KCTD20: variants seen among roughly 807,000 people sequenced by gnomAD.
KCTD20 encodes BTB/POZ domain-containing protein KCTD20.
A neutral mutation model predicts 39.6 loss-of-function variants in KCTD20; 30 were observed. That is an observed-to-expected ratio of 0.76 (90% CI 0.57 to 1.03). The LOEUF is 1.03. Among genes scored for constraint, KCTD20 ranks in the 50% least tolerant of loss-of-function variants. KCTD20 has a pLI of 0.00. For missense variants in KCTD20, 422 were observed against 522.0 expected, an observed-to-expected ratio of 0.81 and a Z score of 1.87; for synonymous variants, 162 against 180.6, an observed-to-expected ratio of 0.90 and a Z score of 0.83.
intron 6 of KCTD20, among the ~76,000 whole-genome samples, chr6:36,483,136 AATTATACCT>A (rs1776307203): frequency 1.3e-5 from 2 of 148,380 alleles, no homozygotes; most frequent in African/African-American, 4.9e-5. Context: ...AAAAAAAAAA[AATTATACCT>A]TTATAATTTT....
At chr6:36,453,237 C>T (rs1673998912) in intron 1 of KCTD20, among the ~76,000 whole-genome samples, 1 of 151,710 alleles carries the variant, frequency 6.6e-6, no homozygotes. Flanking sequence ...GTCTTGAACT[C>T]CTGACCTCAA....
intron 1 of KCTD20, among the ~76,000 whole-genome samples, chr6:36,449,409 T>G (rs6917981): frequency 8.6e-5 from 13 of 151,680 alleles, no homozygotes; most frequent in African/African-American, 3.2e-4. Flanking sequence ...CACAGAGCGC[T>G]GATTCATGCG....
chr6:36,468,705 T>C (rs1775829135), intron 1 of KCTD20, among the ~76,000 whole-genome samples: 1 of 152,238 alleles, frequency 6.6e-6, no homozygotes, highest in Non-Finnish European at 1.5e-5. Context: ...ATATAAATAC[T>C]TTATTTTTAA....
Position 36,469,428 on chromosome 6 carries a change from G to C in KCTD20, c.-46-624G>C, listed in dbSNP as rs1775848764. Among the ~76,000 whole-genome samples, 1 of 152,136 alleles carries C rather than the reference G, an allele frequency of 6.6e-6. No individual in the cohort carries two copies. The highest frequency in any genetic ancestry group is 6.6e-5 in the Admixed American group (1 of 15,262). On this transcript the variant is annotated intron_variant, in intron 1 of 7. Transcript: ENST00000373731. The surrounding 1 kb of genome is among the most constrained non-coding windows in gnomAD (Gnocchi z 4.6). The stretch of plus-strand genomic sequence containing the variant: ...TTCATGGGGACTCTGCACTGCTTTC[G>C]AGAGAGATGAATGACATGATTAGCT...
At chr6:36,466,470 C>T (rs1775758410) in intron 1 of KCTD20, among the ~76,000 whole-genome samples, 1 of 151,586 alleles carries the variant, frequency 6.6e-6, no homozygotes, top group African/African-American at 2.4e-5. Flanking sequence ...CAGCCTCGAC[C>T]TCCTGGGCTT....
chr6:36,458,115 T>C (rs1775491251), intron 1 of KCTD20, among the ~76,000 whole-genome samples: 1 of 152,118 alleles, frequency 6.6e-6, no homozygotes, highest in African/African-American at 2.4e-5. Context: ...GGCAGTAGCA[T>C]GATCATGGCT....
chr6:36,461,727 GTTA>G (rs1327015783), intron 1 of KCTD20, among the ~76,000 whole-genome samples: 1 of 152,108 alleles, frequency 6.6e-6, no homozygotes, highest in Non-Finnish European at 1.5e-5. Context: ...TTTCATCTAA[GTTA>G]TATTGACAAA....
intron 6 of KCTD20, among the ~76,000 whole-genome samples, chr6:36,482,039 T>C (rs1776267447): frequency 6.6e-6 from 1 of 152,192 alleles, no homozygotes; most frequent in African/African-American, 2.4e-5. Flanking sequence ...TTTTAAATCC[T>C]TTTGAATTGG....
At chr6:36,445,142 A>G (rs188884559) in intron 1 of KCTD20, among the ~76,000 whole-genome samples, 1 of 151,900 alleles carries the variant, frequency 6.6e-6, no homozygotes, top group Non-Finnish European at 1.5e-5. Context: ...GGCACCTGTA[A>G]TCCCAGCTAC....
chr6:36,475,138 G>T, intron 3 of KCTD20, 76 bp downstream of exon 3: 1 of 1,460,388 alleles, frequency 6.8e-7, no homozygotes, highest in East Asian at 2.3e-5. Context: ...TCTTGCATTA[G>T]ATATAACAGT....
intron 6 of KCTD20, among the ~76,000 whole-genome samples, chr6:36,483,061 G>C (rs919083527): frequency 3.3e-5 from 5 of 150,050 alleles, no homozygotes; most frequent in African/African-American, 1.2e-4. Flanking sequence ...AGACGTTGCA[G>C]TGAGCCGAGA....
Position 36,490,941 on chromosome 6 carries a change from T to C in KCTD20, c.*3766T>C, listed in dbSNP as rs565771155. The C allele has an allele frequency of 6.6e-6, 1 of 152,346 alleles. No individual in the cohort carries two copies. The highest frequency in any genetic ancestry group is 2.1e-4 in the South Asian group (1 of 4,828). The allele number at this position is 152,346 out of a possible 1,614,324, so 9.4% of individuals were successfully genotyped here. A position where few individuals can be genotyped will look rare whatever the true frequency, so the allele number is the denominator to read the frequency against. On this transcript the variant is annotated 3_prime_UTR_variant, in exon 8 of 8. Coordinates refer to ENST00000373731, the MANE Select transcript of KCTD20 (RefSeq NM_173562.5). ...TGAGCTCAGAAAGCAAATATGATGC[T>C]TTCATGGGAGATGGAGCCACATTTG... is the stretch of plus-strand genomic sequence containing the variant.
intron 7 of KCTD20, 118 bp downstream of exon 7, chr6:36,484,942 T>C: frequency 3.2e-6 from 2 of 619,822 alleles, no homozygotes; most frequent in South Asian, 2.1e-5. Flanking sequence ...AACCACATTC[T>C]TACTCAAGTT....
At chr6:36,460,264 C>T (rs1305218793) in intron 1 of KCTD20, among the ~76,000 whole-genome samples, 1 of 152,118 alleles carries the variant, frequency 6.6e-6, no homozygotes, top group African/African-American at 2.4e-5. Flanking sequence ...TTCCATCTAA[C>T]CAGTATTTAG....
In KCTD20 at chr6:36,490,945, A is replaced by G. The variant is rs1231441572; in HGVS notation, c.*3770A>G. 6.6e-6 allele frequency: 1 copy of G among 152,236 alleles called. No individual in the cohort carries two copies. The highest frequency in any genetic ancestry group is 1.5e-5 in the Non-Finnish European group (1 of 68,034). The allele number at this position is 152,236 out of a possible 1,614,324, so 9.4% of individuals were successfully genotyped here. A position where few individuals can be genotyped will look rare whatever the true frequency, so the allele number is the denominator to read the frequency against. ...CTCAGAAAGCAAATATGATGCTTTC[A>G]TGGGAGATGGAGCCACATTTGTGTT... On this transcript the variant is annotated 3_prime_UTR_variant, in exon 8 of 8. Transcript: ENST00000373731.
chr6:36,463,592 G>A (rs1055883746), intron 1 of KCTD20, among the ~76,000 whole-genome samples: 1 of 152,152 alleles, frequency 6.6e-6, no homozygotes, highest in African/African-American at 2.4e-5. Flanking sequence ...CCATTAAGAG[G>A]GGAGGCCTTT....
intron 5 of KCTD20, among the ~76,000 whole-genome samples, chr6:36,480,035 C>T (rs573047134): frequency 3.3e-5 from 5 of 152,078 alleles, no homozygotes; most frequent in African/African-American, 7.2e-5. Context: ...TCAGGTGATC[C>T]GCCCGCCCTC....
intron 1 of KCTD20, among the ~76,000 whole-genome samples, chr6:36,444,378 T>C (rs192680317): frequency 1.6e-3 from 249 of 152,334 alleles, no homozygotes; most frequent in African/African-American, 5.6e-3. Context: ...TGAGAAAAGA[T>C]AGTGCTTTTT....
intron 7 of KCTD20, among the ~76,000 whole-genome samples, chr6:36,486,534 C>G (rs1416865632): frequency 2.0e-5 from 3 of 152,006 alleles, no homozygotes; most frequent in African/African-American, 2.4e-5. Context: ...ATTAAGAGGA[C>G]TAGGGTAGCC....
Sources: allele counts gnomAD v4.1 joint callset (sites outside exome capture counted in the v4.1 genomes callset), GRCh38; gene constraint gnomAD v4.1.1; non-coding constraint Gnocchi (gnomAD v3.1); transcripts MANE v1.5; gene names NCBI Gene and HGNC (gene_info 2026-07-23, HGNC 2026-07-21).